The following EPHA6 variants were observed in gnomAD, a reference collection of about 807,000 sequenced individuals.
EPHA6 encodes ephrin type-A receptor 6.
A neutral mutation model predicts 112.0 loss-of-function variants in EPHA6; 50 were observed. The ratio of observed to expected loss-of-function variants is 0.45; its 90% CI spans 0.36 to 0.56. The LOEUF (loss-of-function observed/expected upper bound fraction) is 0.56, where lower values mean the gene tolerates loss of function less well. EPHA6 is among the 20% of genes least tolerant of loss of function. The pLI is 0.00. For missense variants in EPHA6, 1,280 were observed against 1,417.4 expected (o/e 0.90, Z 1.56); for synonymous variants, 529 against 490.7 (o/e 1.08, Z -1.03).
intron 13 of EPHA6, among the ~76,000 whole-genome samples, chr3:97,611,791 C>T (rs2093722551): frequency 6.6e-6 from 1 of 151,800 alleles, no homozygotes; most frequent in Non-Finnish European, 1.5e-5. Context: ...GAAAATAAAG[C>T]ATTCACTTCA....
intron 16 of EPHA6, among the ~76,000 whole-genome samples, chr3:97,741,803 G>A (rs962375752): frequency 1.3e-5 from 2 of 151,976 alleles, no homozygotes; most frequent in Non-Finnish European, 2.9e-5. Context: ...ATTTTATCTG[G>A]ACTAGTCAAA....
At chr3:96,931,611 CTGTT>C (rs1369253879) in intron 2 of EPHA6, among the ~76,000 whole-genome samples, 1 of 152,246 alleles carries the variant, frequency 6.6e-6, no homozygotes, top group African/African-American at 2.4e-5. Context: ...TTCATCCAGA[CTGTT>C]TGCACTCTCC....
chr3:97,025,369 G>A (rs1466350167), intron 3 of EPHA6, among the ~76,000 whole-genome samples: 1 of 152,092 alleles, frequency 6.6e-6, no homozygotes, highest in Non-Finnish European at 1.5e-5. Context: ...TCTGATATTA[G>A]TACTTTGGGT....
At chr3:97,245,634 T>C (rs1013090430) in intron 5 of EPHA6, among the ~76,000 whole-genome samples, 28 of 152,010 alleles carry the variant, frequency 1.8e-4, no homozygotes, top group Admixed American at 1.3e-4. Context: ...ATGCATTCTG[T>C]ATGATTCCAC....
intron 3 of EPHA6, among the ~76,000 whole-genome samples, chr3:97,223,329 G>T (rs192899723): frequency 4.3e-4 from 66 of 152,310 alleles, no homozygotes; most frequent in Non-Finnish European, 7.6e-4. Context: ...AAATATTGCA[G>T]CAGGGTGTAG....
intron 6 of EPHA6, among the ~76,000 whole-genome samples, chr3:97,436,007 T>C (rs926600979): frequency 5.9e-5 from 9 of 152,192 alleles, no homozygotes; most frequent in Admixed American, 2.0e-4. Flanking sequence ...ATTATTACAA[T>C]GTATTTATTA....
At chr3:97,466,022 T>G (rs943659041) in intron 7 of EPHA6, among the ~76,000 whole-genome samples, 1 of 151,934 alleles carries the variant, frequency 6.6e-6, no homozygotes, top group Non-Finnish European at 1.5e-5. Flanking sequence ...AATTGATACA[T>G]GAGACCCATT....
At chr3:96,937,494 T>C (rs2040661842) in intron 2 of EPHA6, among the ~76,000 whole-genome samples, 1 of 152,162 alleles carries the variant, frequency 6.6e-6, no homozygotes, top group Non-Finnish European at 1.5e-5. Flanking sequence ...TCATTGTAGA[T>C]TCTGGATATT....
chr3:97,176,160 T>C (rs1044784603), intron 3 of EPHA6, among the ~76,000 whole-genome samples: 1 of 151,974 alleles, frequency 6.6e-6, no homozygotes, highest in African/African-American at 2.4e-5. Flanking sequence ...GAAATGATTA[T>C]GATTTTTATT....
intron 14 of EPHA6, among the ~76,000 whole-genome samples, chr3:97,646,867 G>A (rs141243704): frequency 6.6e-6 from 1 of 152,252 alleles, no homozygotes; most frequent in East Asian, 1.9e-4. Context: ...GAAGAAAGCT[G>A]AACAGGAAAG....
intron 3 of EPHA6, among the ~76,000 whole-genome samples, chr3:97,081,091 GA>G (rs11365924): frequency 0.14 from 19,839 of 146,504 alleles, 2,170 homozygotes; most frequent in African/African-American, 0.31. Flanking sequence ...TTCATATATG[GA>G]AAAAAAAAAG....
chr3:96,923,197 A>T (rs2039863309), intron 2 of EPHA6, among the ~76,000 whole-genome samples: 2 of 152,130 alleles, frequency 1.3e-5, no homozygotes, highest in Non-Finnish European at 2.9e-5. Flanking sequence ...CTGCCTCTAG[A>T]TCTTTGAGGA....
chr3:97,454,897 T>C (rs2107349967), intron 7 of EPHA6, among the ~76,000 whole-genome samples: 1 of 151,986 alleles, frequency 6.6e-6, no homozygotes, highest in African/African-American at 2.4e-5. Context: ...AGTTAATTAA[T>C]CAAGCAGGAG....
At chr3:97,740,205 G>C (rs745969066) in intron 16 of EPHA6, among the ~76,000 whole-genome samples, 1 of 151,824 alleles carries the variant, frequency 6.6e-6, no homozygotes, top group Non-Finnish European at 1.5e-5. Flanking sequence ...TTCAACCCTC[G>C]CCCCTGATTA....
At chr3:97,072,406 G>A (rs2046388665) in intron 3 of EPHA6, among the ~76,000 whole-genome samples, 1 of 152,080 alleles carries the variant, frequency 6.6e-6, no homozygotes, top group South Asian at 2.1e-4. Context: ...GGAAGACAAT[G>A]TGAAGACACA....
At chr3:97,713,101 C>G (rs144489121) in intron 14 of EPHA6, among the ~76,000 whole-genome samples, 124 of 152,110 alleles carry the variant, frequency 8.2e-4, no homozygotes, top group African/African-American at 2.9e-3. Flanking sequence ...AGGGATAGGG[C>G]AGCAACACCG....
intron 5 of EPHA6, among the ~76,000 whole-genome samples, chr3:97,302,777 T>G (rs765718056): frequency 2.6e-5 from 4 of 151,952 alleles, no homozygotes; most frequent in South Asian, 2.1e-4. Flanking sequence ...AAAAGGATAA[T>G]TCCTTAATTG....
rs567197232 is a variant in EPHA6 at position 97,370,607 on chromosome 3, A to G, written c.1607-34543A>G. On this transcript the variant is annotated intron_variant, in intron 5 of 17. Coordinates refer to ENST00000389672, the MANE Select transcript of EPHA6 (RefSeq NM_001080448.3). ...ATTAAAAACTATTGAATCTAAAGGA[A>G]AAGAGGAAAACATGTAGTGGCTATA... is the stretch of plus-strand genomic sequence containing the variant. Among the ~76,000 whole-genome samples, 4 of 152,292 alleles carry G rather than the reference A, an allele frequency of 2.6e-5. No individual in the cohort carries two copies. The South Asian group carries it at 8.3e-4, about 32-fold the overall frequency.
intron 5 of EPHA6, among the ~76,000 whole-genome samples, chr3:97,287,734 C>T (rs1049223447): frequency 2.4e-4 from 36 of 152,198 alleles, no homozygotes; most frequent in Middle Eastern, 3.4e-3. Flanking sequence ...TATGTTGAAC[C>T]ACCCTTGCAT....
Sources: gnomAD v4.1 joint callset for allele counts (sites outside exome capture counted in the v4.1 genomes callset) on GRCh38, gnomAD v4.1.1 for gene constraint, MANE v1.5 for transcripts, NCBI Gene and HGNC (gene_info 2026-07-23, HGNC 2026-07-21) for gene names.